Variants in PDS5B observed in about 807,000 individuals in gnomAD.
PDS5B encodes the protein sister chromatid cohesion protein PDS5 homolog B.
PDS5B carries 51 observed loss-of-function variants against 184.1 expected under a neutral mutation model. The ratio of observed to expected loss-of-function variants is 0.28; its 90% CI spans 0.22 to 0.35. The LOEUF (loss-of-function observed/expected upper bound fraction) is 0.35. Among genes scored for constraint, PDS5B ranks in the 10% least tolerant of loss-of-function variants. PDS5B has a pLI of 1.00. For synonymous variants in PDS5B, 566 were observed against 569.2 expected (o/e 0.99, Z 0.08); for missense variants, 1,180 against 1,723.3 (o/e 0.68, Z 5.58).
chr13:32,674,865 A>G (rs1487112174), intron 8 of PDS5B, among the ~76,000 whole-genome samples: 3 of 152,048 alleles, frequency 2.0e-5, no homozygotes, highest in African/African-American at 4.8e-5. Flanking sequence ...GCCTTAAAGA[A>G]ATAGCTGTCC....
intron 24 of PDS5B, 85 bp from the exon 25 acceptor site, chr13:32,753,245 CTT>C: frequency 4.7e-6 from 5 of 1,061,408 alleles, no homozygotes; most frequent in Middle Eastern, 4.2e-4. Flanking sequence ...ACTGTTTACT[CTT>C]TACTTAAAAT....
chr13:32,677,764 T>C (rs1481158655), intron 9 of PDS5B, among the ~76,000 whole-genome samples: 2 of 152,118 alleles, frequency 1.3e-5, no homozygotes, highest in South Asian at 2.1e-4. Context: ...TTTAGTTTCT[T>C]AGGTGTTGAA....
At chr13:32,759,193 G>T (rs1954290993) in intron 28 of PDS5B, among the ~76,000 whole-genome samples, 1 of 152,090 alleles carries the variant, frequency 6.6e-6, no homozygotes, top group South Asian at 2.1e-4. Context: ...GAGTAACAGA[G>T]TCTGGAAATA....
chr13:32,635,360 T>TTTTA (rs1475096618), intron 1 of PDS5B, among the ~76,000 whole-genome samples: 5 of 146,476 alleles, frequency 3.4e-5, no homozygotes, highest in African/African-American at 1.3e-4. Context: ...TTTTTTTTTT[T>TTTTA]TAAAGACGGA....
intron 19 of PDS5B, among the ~76,000 whole-genome samples, chr13:32,725,319 A>C (rs986386185): frequency 1.1e-4 from 17 of 152,162 alleles, no homozygotes; most frequent in Non-Finnish European, 2.1e-4. Context: ...TATGGTGATC[A>C]CATGCATTGA....
chr13:32,640,912 C>G (rs1443229162), intron 1 of PDS5B, among the ~76,000 whole-genome samples: 1 of 151,840 alleles, frequency 6.6e-6, no homozygotes, highest in Non-Finnish European at 1.5e-5. Flanking sequence ...AAAAAATTAG[C>G]CAGGCGTGGT....
chr13:32,663,778 G>T (rs1167684167), intron 6 of PDS5B, among the ~76,000 whole-genome samples: 1 of 152,214 alleles, frequency 6.6e-6, no homozygotes, highest in Non-Finnish European at 1.5e-5. Context: ...TGGATGAATT[G>T]TATAGTGGTG....
At chr13:32,725,085 C>T (rs1952851829) in intron 19 of PDS5B, among the ~76,000 whole-genome samples, 2 of 152,148 alleles carry the variant, frequency 1.3e-5, no homozygotes, top group African/African-American at 2.4e-5. Context: ...TGTCATTCTT[C>T]TTCATTTCCT....
chr13:32,645,765 T>C (rs1305759429), intron 1 of PDS5B, among the ~76,000 whole-genome samples: 1 of 152,232 alleles, frequency 6.6e-6, no homozygotes, highest in East Asian at 1.9e-4. Context: ...CTTATGTCTT[T>C]AGCTCTATAT....
At chr13:32,744,821 G>A (rs17077799) in intron 23 of PDS5B, among the ~76,000 whole-genome samples, 2,035 of 152,102 alleles carry the variant, frequency 0.013, 29 homozygotes, top group South Asian at 0.063. Context: ...TTTTTACATG[G>A]CCAACTAGAT....
chr13:32,658,959 A>G (rs1203127335), intron 5 of PDS5B, among the ~76,000 whole-genome samples, 195 bp from the exon 6 acceptor site: 1 of 152,148 alleles, frequency 6.6e-6, no homozygotes, highest in Admixed American at 6.5e-5. Context: ...AAAATCTAAG[A>G]AATGTAGTGT....
At chr13:32,611,389 A>G (rs931026728) in intron 1 of PDS5B, among the ~76,000 whole-genome samples, 1 of 151,906 alleles carries the variant, frequency 6.6e-6, no homozygotes, top group Non-Finnish European at 1.5e-5. Context: ...TTAGTGTAGT[A>G]GCCTCCTAAC....
At chr13:32,742,485 T>C in intron 22 of PDS5B, 106 bp from the exon 23 acceptor site, 3 of 889,140 alleles carry the variant, frequency 3.4e-6, no homozygotes, top group Non-Finnish European at 5.1e-6. Flanking sequence ...ATTTTTTCTT[T>C]TCTTAAAAAG....
At chr13:32,706,311 TAAATAAATAAATA>T (rs1952011538) in intron 17 of PDS5B, among the ~76,000 whole-genome samples, 1 of 147,934 alleles carries the variant, frequency 6.8e-6, no homozygotes, top group African/African-American at 2.5e-5. Flanking sequence ...AATAAATAAA[TAAATAAATAAATA>T]AAATAACATA....
chr13:32,719,464 T>C (rs1952592286), intron 19 of PDS5B, among the ~76,000 whole-genome samples: 1 of 152,168 alleles, frequency 6.6e-6, no homozygotes, highest in Admixed American at 6.5e-5. Flanking sequence ...ATTACAGGCA[T>C]GAGCCACCAT....
At chr13:32,617,136 C>G (rs549389118) in intron 1 of PDS5B, among the ~76,000 whole-genome samples, 57 of 152,298 alleles carry the variant, frequency 3.7e-4, no homozygotes, top group African/African-American at 1.3e-3. Context: ...TACGGTCAGA[C>G]CACCTCTGAA....
intron 30 of PDS5B, among the ~76,000 whole-genome samples, chr13:32,762,094 T>G (rs1161310102): frequency 6.6e-6 from 1 of 152,232 alleles, no homozygotes; most frequent in Non-Finnish European, 1.5e-5. Context: ...GCCATTTGTC[T>G]TCTTTTGAGG....
intron 7 of PDS5B, among the ~76,000 whole-genome samples, chr13:32,670,354 C>A (rs916858035): frequency 6.6e-6 from 1 of 152,038 alleles, no homozygotes; most frequent in African/African-American, 2.4e-5. Context: ...GTAGCTGGGA[C>A]TACAGGAATG....
At chr13:32,650,103 C>G (rs915258459) in intron 2 of PDS5B, 20 of 152,098 alleles carry the variant, frequency 1.3e-4, no homozygotes, top group African/African-American at 4.3e-4. Flanking sequence ...GTTATTTTCT[C>G]AGATTTCTTT....
Sources: gnomAD v4.1 joint callset for allele counts (sites outside exome capture counted in the v4.1 genomes callset) on GRCh38, gnomAD v4.1.1 for gene constraint, MANE v1.5 for transcripts, NCBI Gene and HGNC (gene_info 2026-07-23, HGNC 2026-07-21) for gene names.